OSR2: variants seen among roughly 807,000 people sequenced by gnomAD.
OSR2 encodes odd-skipped related transciption factor 2.
Under a neutral mutation model 22.3 loss-of-function variants are expected in OSR2, and 8 were observed. The observed-to-expected ratio is 0.36, with a 90% confidence interval of 0.21 to 0.65. The LOEUF (loss-of-function observed/expected upper bound fraction) is 0.65, where lower values mean the gene tolerates loss of function less well. OSR2 is among the 30% of genes least tolerant of loss of function. The probability of loss-of-function intolerance (pLI) is 0.66; values close to 1 mark genes in which losing one functional copy is unlikely to be tolerated. For missense variants in OSR2, 311 were observed against 413.4 expected (o/e 0.75, Z 2.15); for synonymous variants, 179 against 173.8 (o/e 1.03, Z -0.23).
chr8:98,951,032 G>A (rs1347067065), intron 3 of OSR2: 8 of 553,626 alleles, frequency 1.4e-5, no homozygotes, highest in East Asian at 8.8e-5. Flanking sequence ...TAAAGCTTTC[G>A]TGTTTAGGAG....
rs1840726738 is a variant in OSR2 at position 98,949,669 on chromosome 8, G to A, written c.656+61G>A. On this transcript the variant is annotated intron_variant, in intron 2 of 3. Transcript: ENST00000297565. The surrounding 1 kb of genome is among the most constrained non-coding windows in gnomAD (Gnocchi z 5.9). ...AGCGAATTTGTCCTGGACACACCGA[G>A]TCCTGATAGACATTCCCAGTGTCAT... 18 of 1,533,874 alleles carry A rather than the reference G, an allele frequency of 1.2e-5. No homozygotes were observed. The South Asian group carries it at 2.1e-4, about 18-fold the overall frequency.
chr8:98,948,934 A>C lies in OSR2; in HGVS notation c.-19A>C, dbSNP rs186206047. ...GGAAGAAAGGGTTGGTCCCCTCAGC[A>C]CCCCCAGCATCCCGGAAAATGGGGA... On this transcript the variant is annotated 5_prime_UTR_variant, in exon 2 of 4. Coordinates refer to ENST00000297565, the MANE Select transcript of OSR2 (RefSeq NM_001142462.3). This position sits in a 1 kb window ranked among gnomAD's most constrained non-coding sequence, Gnocchi z 6.0. The C allele has an allele frequency of 3.1e-3, 4,924 of 1,613,204 alleles. 130 individuals are homozygous for C. In the African/African-American group the frequency reaches 0.057, roughly 19 times the overall value.
At chr8:98,945,727 C>T (rs542685068) in intron 1 of OSR2, among the ~76,000 whole-genome samples, 1 of 152,332 alleles carries the variant, frequency 6.6e-6, no homozygotes, top group Non-Finnish European at 1.5e-5. Context: ...CTCTATTCAC[C>T]TGATACAGTC....
At chr8:98,950,159 C>T (rs1840740169) in intron 2 of OSR2, among the ~76,000 whole-genome samples, 1 of 152,288 alleles carries the variant, frequency 6.6e-6, no homozygotes, top group Middle Eastern at 3.4e-3. Context: ...CAATTGAAGG[C>T]ATTCAATAAT....
At chr8:98,946,967 G>A (rs1474882313) in intron 1 of OSR2, among the ~76,000 whole-genome samples, 12 of 152,002 alleles carry the variant, frequency 7.9e-5, no homozygotes, top group Admixed American at 7.9e-4. Flanking sequence ...AGGAAATAAA[G>A]GTATAAATTA....
intron 2 of OSR2, 137 bp from the exon 3 acceptor site, chr8:98,950,519 G>GA (rs531903359): frequency 0.018 from 8,326 of 462,578 alleles, 4 homozygotes; most frequent in South Asian, 0.033. Flanking sequence ...AATTACACAG[G>GA]AAAAAAAAAA....
Position 98,951,513 on chromosome 8 carries a change from G to A in OSR2, c.757-6G>A, listed in dbSNP as rs570563742. On this transcript the variant is annotated splice_polypyrimidine_tract_variant and splice_region_variant and intron_variant, in intron 3 of 3. Coordinates refer to ENST00000297565, the MANE Select transcript of OSR2 (RefSeq NM_001142462.3). ...TTAATCCTTTGCTTGCTTCACATCT[G>A]AACAGGAATCTCCACACAAATGTCC... 1.9e-6 allele frequency: 3 copies of A among 1,572,980 alleles called. No individual in the cohort carries two copies. Among genetic ancestry groups the A allele is most frequent in the Admixed American group, 3.8e-5 (2 of 53,036 alleles).
In OSR2 at chr8:98,948,830, C is replaced by T; in HGVS notation, c.-114-9C>T. ...CACGGTCTCTCCCTCTCTTCCCTGCCATTTTTAGGGCTTTCTCTACGTGCT... is the reference window on the plus strand; with the variant it reads ...CACGGTCTCTCCCTCTCTTCCCTGCTATTTTTAGGGCTTTCTCTACGTGCT... On this transcript the variant is annotated splice_polypyrimidine_tract_variant and intron_variant, in intron 1 of 3. Transcript: ENST00000297565. This position sits in a 1 kb window ranked among gnomAD's most constrained non-coding sequence, Gnocchi z 6.0. The T allele has an allele frequency of 1.3e-6, 2 of 1,574,830 alleles. No individual in the cohort carries two copies. The highest frequency in any genetic ancestry group is 1.4e-5 in the African/African-American group (1 of 74,048).
Position 98,951,825 on chromosome 8 carries a change from C to A in OSR2, c.*124C>A. The A allele has an allele frequency of 1.1e-6, 1 of 924,674 alleles. No homozygotes were observed. The highest frequency in any genetic ancestry group is 1.6e-6 in the Non-Finnish European group (1 of 630,614). 57.3% of individuals were successfully genotyped at this position (924,674 alleles called of 1,614,324 possible). On this transcript the variant is annotated 3_prime_UTR_variant, in exon 4 of 4. Transcript: ENST00000297565. ...CCCAGCTCTTCCCTTGCTGCAGCCG[C>A]ACCTGCAGCTCCAGGGAGTTAACTC...
Position 98,950,772 on chromosome 8 carries a change from G to C in OSR2, c.756+17G>C, listed in dbSNP as rs758251205. The stretch of plus-strand genomic sequence containing the variant: ...CACATGCAGGTAAGTTTGTTTTCTT[G>C]TTTAAAAACAGTGGCTGGTTCGTGT... On this transcript the variant is annotated intron_variant, in intron 3 of 3. Transcript: ENST00000297565. The C allele has an allele frequency of 6.5e-7, 1 of 1,542,608 alleles. No individual in the cohort carries two copies. Among genetic ancestry groups the C allele is most frequent in the South Asian group, 1.1e-5 (1 of 87,730 alleles).
Position 98,950,704 on chromosome 8 carries a change from A to C in OSR2, c.705A>C (p.Lys235Asn). 1 of 1,613,432 alleles carries C rather than the reference A, an allele frequency of 6.2e-7. No homozygotes were observed. ...CCTTCAAATGTCAGGAGTGTGGGAA[A>C]GGATTTTGTCAGTCTAGAACTCTAG... ...EKPFKCQECG[K>N]GFCQSRTLAV... Residue 235 changes from lysine to asparagine, a missense_variant, in exon 3 of 4, where the codon AAA becomes AAC. By Grantham distance (94) the Lys-to-Asn change is moderately conservative. Transcript: ENST00000297565.
Position 98,949,177 on chromosome 8 carries a change from G to C in OSR2, c.225G>C (p.Ala75=). ...CCACCATCACGGAGATGGCGGCGGC[G>C]CAGGGCCTCGTGGACGCGCGCTTCC... ...TRSTITEMAA[A]QGLVDARFPF... Residue 75 remains alanine (A), a synonymous_variant, in exon 2 of 4, where the codon GCG becomes GCC. Transcript: ENST00000297565. This position sits in a 1 kb window ranked among gnomAD's most constrained non-coding sequence, Gnocchi z 5.9. The C allele has an allele frequency of 6.2e-7, 1 of 1,601,328 alleles. No individual in the cohort carries two copies. The highest frequency in any genetic ancestry group is 8.5e-7 in the Non-Finnish European group (1 of 1,174,178).
At position 98,949,051 on chromosome 8, in the gene OSR2, G is replaced by A. The variant is rs1840702540; in HGVS notation, c.99G>A (p.Thr33=). 3 of 1,613,930 alleles carry A rather than the reference G, an allele frequency of 1.9e-6. No homozygotes were observed. Among genetic ancestry groups the A allele is most frequent in the Non-Finnish European group, 2.5e-6 (3 of 1,179,894 alleles). Residue 33 remains threonine, a synonymous_variant, in exon 2 of 4, where the codon ACG becomes ACA. Transcript: ENST00000297565. This position sits in a 1 kb window ranked among gnomAD's most constrained non-coding sequence, Gnocchi z 5.9. ...FLQAVNTFPA[T]VDHLQGLYGL... ...AGGCCGTGAACACCTTCCCGGCCAC[G>A]GTGGACCACCTGCAGGGCCTGTACG...
In OSR2 at chr8:98,949,892, G is replaced by C. The variant is rs1354688090; in HGVS notation, c.656+284G>C. Among the ~76,000 whole-genome samples the C allele has an allele frequency of 1.3e-5, 2 of 152,112 alleles. No individual in the cohort carries two copies. Among genetic ancestry groups the C allele is most frequent in the Admixed American group, 1.3e-4 (2 of 15,280 alleles). On this transcript the variant is annotated intron_variant, in intron 2 of 3. Transcript: ENST00000297565. The surrounding 1 kb of genome is among the most constrained non-coding windows in gnomAD (Gnocchi z 5.9). The stretch of plus-strand genomic sequence containing the variant: ...GGGATGGTTATCCTGTCTCCTCCCG[G>C]TGCTGTGGGGAGTGGTGCAGGCAGA...
chr8:98,944,944 G>T (rs1327328861), intron 1 of OSR2, 121 bp downstream of exon 1: 1 of 152,254 alleles, frequency 6.6e-6, no homozygotes, highest in African/African-American at 2.4e-5. Context: ...AATAGATCAT[G>T]GGGATGCAAT....
At chr8:98,951,003 A>G (rs552659011) in intron 3 of OSR2, 1 of 596,272 alleles carries the variant, frequency 1.7e-6, no homozygotes, top group Non-Finnish European at 3.0e-6. Flanking sequence ...AATTTTTTTC[A>G]TCCAATCTGT....
intron 3 of OSR2, among the ~76,000 whole-genome samples, chr8:98,951,232 C>T (rs182770997): frequency 6.6e-5 from 10 of 152,174 alleles, no homozygotes; most frequent in Non-Finnish European, 4.4e-5. Context: ...CCTTTTCCTG[C>T]CTATGACATG....
chr8:98,949,417 G>A lies in OSR2; in HGVS notation c.465G>A (p.Pro155=), dbSNP rs1465583657. Reference sequence around the variant, plus strand: ...TCTCGGGCCTCAGTAAATTGACTCCGGACAGAAAGCCCTCTCGAGGAAGGT... The same window carrying A: ...TCTCGGGCCTCAGTAAATTGACTCCAGACAGAAAGCCCTCTCGAGGAAGGT... The part of the protein sequence containing the change: ...SPISGLSKLT[P]DRKPSRGRLP... Residue 155 remains proline, a synonymous_variant, in exon 2 of 4, where the codon CCG becomes CCA. Transcript: ENST00000297565. This position sits in a 1 kb window ranked among gnomAD's most constrained non-coding sequence, Gnocchi z 5.9. 3.7e-6 allele frequency: 6 copies of A among 1,613,842 alleles called. No individual in the cohort carries two copies. In the African/African-American group the frequency reaches 4.0e-5, roughly 11 times the overall value.
rs745874948 is a variant in OSR2, at chr8:98,949,063, G to A, written c.111G>A (p.Leu37=). The part of the protein sequence containing the change: ...VNTFPATVDH[L]QGLYGLSAVQ... ...CCTTCCCGGCCACGGTGGACCACCT[G>A]CAGGGCCTGTACGGTCTCAGCGCGG... The change falls in exon 2 of 4, where the codon CTG becomes CTA. Residue 37 remains leucine (L), a synonymous_variant. Coordinates refer to ENST00000297565, the MANE Select transcript of OSR2 (RefSeq NM_001142462.3). The surrounding 1 kb of genome is among the most constrained non-coding windows in gnomAD (Gnocchi z 5.9). 6.2e-7 allele frequency: 1 copy of A among 1,613,908 alleles called. No individual in the cohort carries two copies. The highest frequency in any genetic ancestry group is 2.2e-5 in the East Asian group (1 of 44,884).
Sources: gnomAD v4.1 joint callset for allele counts (sites outside exome capture counted in the v4.1 genomes callset) on GRCh38, gnomAD v4.1.1 for gene constraint, Gnocchi (gnomAD v3.1) non-coding constraint, MANE v1.5 for transcripts, NCBI Gene and HGNC (gene_info 2026-07-23, HGNC 2026-07-21) for gene names.